PRDM16: variants seen among roughly 807,000 people sequenced by gnomAD.
The protein encoded by PRDM16 is histone-lysine N-methyltransferase PRDM16.
PRDM16 carries 23 observed loss-of-function variants against 110.6 expected under a neutral mutation model. That is an observed-to-expected ratio of 0.21 (90% confidence interval 0.15 to 0.29). PRDM16 has a LOEUF of 0.29. Ranked by LOEUF, PRDM16 falls within the 10% of genes least tolerant of loss-of-function variation. The pLI is 1.00. For missense variants in PRDM16, 1,615 were observed against 1,794.3 expected (o/e 0.90, Z 1.81); for synonymous variants, 799 against 781.8 (o/e 1.02, Z -0.37).
At chr1:3,394,696 G>A (rs568323580) in intron 4 of PRDM16, among the ~76,000 whole-genome samples, 1 of 152,178 alleles carries the variant, frequency 6.6e-6, no homozygotes, top group African/African-American at 2.4e-5. Flanking sequence ...TTCCACTTGC[G>A]CCTGCTACAA....
chr1:3,188,108 T>C (rs1445513878), intron 2 of PRDM16, among the ~76,000 whole-genome samples: 4 of 152,176 alleles, frequency 2.6e-5, no homozygotes, highest in African/African-American at 7.2e-5. Context: ...AGGACCCTCA[T>C]GGGACCAAGG....
At position 3,290,469 on chromosome 1, in the gene PRDM16, A is replaced by C. The variant is rs1371196583; in HGVS notation, c.438+46332A>C. Among the ~76,000 whole-genome samples the C allele has an allele frequency of 6.6e-6, 1 of 152,202 alleles. No individual in the cohort carries two copies. Among genetic ancestry groups the C allele is most frequent in the Non-Finnish European group, 1.5e-5 (1 of 68,030 alleles). ...GTTCGAAGCGGTGATTTTTCTCTTG[A>C]GGCCCCTGTGTCCTAGCATTTCTGA... On this transcript the variant is annotated intron_variant, in intron 3 of 16. Transcript: ENST00000270722. This position sits in a 1 kb window ranked among gnomAD's most constrained non-coding sequence, Gnocchi z 4.8.
rs1047493867 is a variant in PRDM16, at chr1:3,290,558, C to T, written c.438+46421C>T. ...TGAGGACAGAGGTGAATGCTTGGGA[C>T]AGCGAGAGGTGGCATCACTGAAGAA... On this transcript the variant is annotated intron_variant, in intron 3 of 16. Coordinates refer to ENST00000270722, the MANE Select transcript of PRDM16 (RefSeq NM_022114.4). This position sits in a 1 kb window ranked among gnomAD's most constrained non-coding sequence, Gnocchi z 4.8. Among the ~76,000 whole-genome samples the T allele has an allele frequency of 6.6e-6, 1 of 152,192 alleles. No homozygotes were observed. Among genetic ancestry groups the T allele is most frequent in the Non-Finnish European group, 1.5e-5 (1 of 68,030 alleles).
chr1:3,073,084 C>T (rs1447294685), intron 1 of PRDM16, among the ~76,000 whole-genome samples: 4 of 152,224 alleles, frequency 2.6e-5, no homozygotes, highest in African/African-American at 9.6e-5. Context: ...GGTGCCAGCC[C>T]GACATCCTGG....
chr1:3,364,938 G>A (rs936878176), intron 3 of PRDM16, among the ~76,000 whole-genome samples: 13 of 152,172 alleles, frequency 8.5e-5, no homozygotes, highest in Non-Finnish European at 1.5e-4. Flanking sequence ...TGTGTACGCC[G>A]TCCCTCATTC....
chr1:3,161,994 G>T (rs1047791280), intron 1 of PRDM16, among the ~76,000 whole-genome samples: 1 of 152,166 alleles, frequency 6.6e-6, no homozygotes, highest in African/African-American at 2.4e-5. Flanking sequence ...CGCCAGGGTG[G>T]CTCGGCCCCT....
chr1:3,198,705 C>T (rs541414393), intron 2 of PRDM16, among the ~76,000 whole-genome samples: 1 of 152,238 alleles, frequency 6.6e-6, no homozygotes, highest in African/African-American at 2.4e-5. Context: ...GCGCCTCTTG[C>T]ACCAGGCTGG....
rs929193513 is a variant in PRDM16 at position 3,265,849 on chromosome 1, C to T, written c.438+21712C>T. Among the ~76,000 whole-genome samples the T allele has an allele frequency of 2.0e-5, 3 of 152,134 alleles. No individual in the cohort carries two copies. Among genetic ancestry groups the T allele is most frequent in the Non-Finnish European group, 4.4e-5 (3 of 68,004 alleles). ...CTCAGTGGGTCGTGCCCAGGTCCTT[C>T]GCTCTCTATGATCCCTTTACGGTCG... On this transcript the variant is annotated intron_variant, in intron 3 of 16. Coordinates refer to ENST00000270722, the MANE Select transcript of PRDM16 (RefSeq NM_022114.4). This position sits in a 1 kb window ranked among gnomAD's most constrained non-coding sequence, Gnocchi z 4.5.
chr1:3,170,207 G>T (rs994220190), intron 1 of PRDM16, among the ~76,000 whole-genome samples: 2 of 152,260 alleles, frequency 1.3e-5, no homozygotes, highest in Non-Finnish European at 2.9e-5. Context: ...CAGGGGGCCA[G>T]GGTGGCCCTG....
At chr1:3,348,161 G>T (rs891781487) in intron 3 of PRDM16, among the ~76,000 whole-genome samples, 1 of 152,184 alleles carries the variant, frequency 6.6e-6, no homozygotes, top group African/African-American at 2.4e-5. Flanking sequence ...GTCCCAGCCT[G>T]GGGGGTCTGG....
At chr1:3,341,800 G>A (rs558301285) in intron 3 of PRDM16, among the ~76,000 whole-genome samples, 31 of 152,388 alleles carry the variant, frequency 2.0e-4, no homozygotes, top group African/African-American at 3.1e-4. Context: ...TGAACCGCCC[G>A]CGCTCTGCAG....
In PRDM16 at chr1:3,425,544, C is replaced by T. The variant is rs377311015; in HGVS notation, c.2940-37C>T. The T allele has an allele frequency of 4.3e-5, 69 of 1,601,224 alleles. No homozygotes were observed. Among genetic ancestry groups the T allele is most frequent in the Middle Eastern group, 1.7e-4 (1 of 6,018 alleles). On this transcript the variant is annotated intron_variant, in intron 12 of 16. Transcript: ENST00000270722. This position sits in a 1 kb window ranked among gnomAD's most constrained non-coding sequence, Gnocchi z 6.9. ...TGTGGCCCGGCCTGCCATGCAGAGC[C>T]GGGGCCTGCACTGAGGAGCGCGTGT...
intron 3 of PRDM16, among the ~76,000 whole-genome samples, chr1:3,333,560 A>G (rs1642085564): frequency 6.6e-6 from 1 of 152,224 alleles, no homozygotes; most frequent in African/African-American, 2.4e-5. Context: ...TGATGAGCAC[A>G]GACGTCTCTC....
At chr1:3,158,145 T>G (rs1205283698) in intron 1 of PRDM16, among the ~76,000 whole-genome samples, 4 of 152,208 alleles carry the variant, frequency 2.6e-5, no homozygotes, top group Non-Finnish European at 1.5e-5. Context: ...CCGTTCTGTA[T>G]TGGCAAACAC....
At chr1:3,305,628 C>T (rs1338890625) in intron 3 of PRDM16, among the ~76,000 whole-genome samples, 23 of 152,240 alleles carry the variant, frequency 1.5e-4, no homozygotes. Context: ...TAGCTGAATG[C>T]TTCAGCTGTC....
chr1:3,402,669 C>T, intron 5 of PRDM16, 122 bp from the exon 6 acceptor site: 1 of 794,034 alleles, frequency 1.3e-6, no homozygotes, highest in Non-Finnish European at 2.1e-6. Context: ...CAGTGCAGGA[C>T]TGGCCAGCCT....
chr1:3,285,878 T>C (rs1640833296), intron 3 of PRDM16, among the ~76,000 whole-genome samples: 1 of 152,180 alleles, frequency 6.6e-6, no homozygotes, highest in African/African-American at 2.4e-5. Flanking sequence ...TTTTCATCTC[T>C]GCCGAGCGTG....
At chr1:3,158,605 T>C (rs1217166441) in intron 1 of PRDM16, among the ~76,000 whole-genome samples, 1 of 152,086 alleles carries the variant, frequency 6.6e-6, no homozygotes, top group Non-Finnish European at 1.5e-5. Context: ...CCAGCTGTTA[T>C]GGGGGGAAAA....
chr1:3,094,186 C>T lies in PRDM16; in HGVS notation c.37+24890C>T, dbSNP rs935790209. On this transcript the variant is annotated intron_variant, in intron 1 of 16. Coordinates refer to ENST00000270722, the MANE Select transcript of PRDM16 (RefSeq NM_022114.4). ...AGCTGGGGAGGAAAAGGGGAACTCT[C>T]GCCGCCCAGGCCTGGAGCCGCGGAG... is the stretch of plus-strand genomic sequence containing the variant. Among the ~76,000 whole-genome samples, 8 of 152,208 alleles carry T rather than the reference C, an allele frequency of 5.3e-5. No homozygotes were observed. In the East Asian group the frequency reaches 5.8e-4, roughly 11 times the overall value.
Sources: allele counts gnomAD v4.1 joint callset (sites outside exome capture counted in the v4.1 genomes callset), GRCh38; gene constraint gnomAD v4.1.1; non-coding constraint Gnocchi (gnomAD v3.1); transcripts MANE v1.5; gene names NCBI Gene and HGNC (gene_info 2026-07-23, HGNC 2026-07-21).